C12orf42: variants seen among roughly 807,000 people sequenced by gnomAD.
The protein encoded by C12orf42 is uncharacterized protein C12orf42.
Under a neutral mutation model 21.6 loss-of-function variants are expected in C12orf42, and 25 were observed. The ratio of observed to expected loss-of-function variants is 1.16; its 90% confidence interval spans 0.84 to 1.62. C12orf42 has a LOEUF of 1.62. Among genes scored for constraint, C12orf42 ranks in the 40% most tolerant of loss-of-function variants. The pLI, the probability that C12orf42 is intolerant of heterozygous loss-of-function variation, is 0.00. For synonymous variants in C12orf42, 174 were observed against 175.0 expected (o/e 0.99, Z 0.05); for missense variants, 483 against 459.3 (o/e 1.05, Z -0.47).
At chr12:103,146,690 G>A in the C12orf42 span, among the ~76,000 whole-genome samples, 1 of 152,124 alleles carries the variant, frequency 6.6e-6, no homozygotes, top group African/African-American at 2.4e-5. Flanking sequence ...CAGAAAATGT[G>A]TGCATTACAG....
intron 4 of C12orf42, among the ~76,000 whole-genome samples, chr12:103,307,611 C>T (rs2038499209): frequency 6.6e-6 from 1 of 152,108 alleles, no homozygotes; most frequent in African/African-American, 2.4e-5. Flanking sequence ...GGAGATAAGA[C>T]AGTTTAAAGA....
intron 5 of C12orf42, among the ~76,000 whole-genome samples, chr12:103,276,573 A>G (rs1006197085): frequency 6.6e-6 from 1 of 152,224 alleles, no homozygotes; most frequent in Non-Finnish European, 1.5e-5. Flanking sequence ...AAGGCGAGGT[A>G]TCAGCTAGGG....
the C12orf42 span, among the ~76,000 whole-genome samples, chr12:103,094,416 A>G: frequency 6.6e-6 from 1 of 152,226 alleles, no homozygotes; most frequent in Non-Finnish European, 1.5e-5. Flanking sequence ...TCCATAGACC[A>G]CAGAGGCTAT....
At chr12:103,477,254 G>A (rs1954123564) in intron 2 of C12orf42, among the ~76,000 whole-genome samples, 2 of 152,070 alleles carry the variant, frequency 1.3e-5, no homozygotes. Flanking sequence ...AGTGGTCATG[G>A]CAGGACCTCT....
Position 103,364,822 on chromosome 12 carries a change from G to A in C12orf42, c.259+4065C>T, listed in dbSNP as rs183110515. 3.4e-3 allele frequency among the ~76,000 whole-genome samples: 513 copies of A among 151,968 alleles called. 3 individuals carry two copies. Among genetic ancestry groups the A allele is most frequent in the African/African-American group, 0.011 (474 of 41,490 alleles). ...CCTGAACAGAACAATAACAAGCAGC[G>A]AGATTGAAATTATATTTTAAAAATT... On this transcript the variant is annotated intron_variant, in intron 4 of 5. Transcript: ENST00000548883.
exon 7 of C12orf42, chr12:103,268,818 A>T (rs985962573): frequency 6.6e-6 from 1 of 152,204 alleles, no homozygotes; most frequent in South Asian, 2.1e-4. Flanking sequence ...CATGTGTCAC[A>T]TATAATGCAT....
the C12orf42 span, among the ~76,000 whole-genome samples, chr12:103,562,775 C>A: frequency 6.6e-6 from 1 of 152,202 alleles, no homozygotes; most frequent in Non-Finnish European, 1.5e-5. Flanking sequence ...CTCAGTGGGG[C>A]TCATGAAATA....
chr12:103,219,060 A>C, the C12orf42 span, among the ~76,000 whole-genome samples: 1 of 152,084 alleles, frequency 6.6e-6, no homozygotes, highest in Non-Finnish European at 1.5e-5. Context: ...TGCCAGGGAG[A>C]CAGAACTGTT....
chr12:103,311,915 A>T (rs1382031407), intron 4 of C12orf42, among the ~76,000 whole-genome samples: 1 of 152,192 alleles, frequency 6.6e-6, no homozygotes, highest in Non-Finnish European at 1.5e-5. Context: ...CTCATCAGAG[A>T]TTTCAGGTGC....
At chr12:103,430,457 G>T (rs1206213900) in intron 2 of C12orf42, among the ~76,000 whole-genome samples, 1 of 152,054 alleles carries the variant, frequency 6.6e-6, no homozygotes, top group Non-Finnish European at 1.5e-5. Flanking sequence ...AAAAAGTCAG[G>T]GAACAACAGA....
chr12:103,462,047 C>T (rs1952740605), intron 2 of C12orf42, among the ~76,000 whole-genome samples: 1 of 145,986 alleles, frequency 6.8e-6, no homozygotes, highest in Admixed American at 7.0e-5. Context: ...ATCTAACAAT[C>T]ATATAGAAAG....
the C12orf42 span, among the ~76,000 whole-genome samples, chr12:103,212,302 T>C: frequency 1.3e-5 from 2 of 152,350 alleles, no homozygotes; most frequent in South Asian, 4.1e-4. Context: ...TTTATTCAAA[T>C]TGGGATCAAA....
At chr12:103,398,993 G>T (rs1193611140) in intron 3 of C12orf42, among the ~76,000 whole-genome samples, 1 of 151,966 alleles carries the variant, frequency 6.6e-6, no homozygotes, top group East Asian at 1.9e-4. Flanking sequence ...AAAATACTAT[G>T]ATGGACTTCT....
the C12orf42 span, among the ~76,000 whole-genome samples, chr12:103,532,306 G>GA: frequency 6.6e-6 from 1 of 152,154 alleles, no homozygotes; most frequent in Non-Finnish European, 1.5e-5. Context: ...TTAAAGATGG[G>GA]AAAACGTTTA....
chr12:103,096,548 A>G, the C12orf42 span, among the ~76,000 whole-genome samples: 1 of 152,244 alleles, frequency 6.6e-6, no homozygotes, highest in East Asian at 1.9e-4. Context: ...GATTTCAGTT[A>G]CAATCATATC....
the C12orf42 span, among the ~76,000 whole-genome samples, chr12:103,213,935 GA>G: frequency 3.3e-5 from 5 of 152,148 alleles, no homozygotes. Context: ...CACATGAGCT[GA>G]GAAAAAGTGG....
Position 103,430,301 on chromosome 12 carries a change from A to G in C12orf42, c.79-28626T>C, listed in dbSNP as rs906919250. On this transcript the variant is annotated intron_variant, in intron 2 of 5. Coordinates refer to ENST00000548883, the MANE Select transcript of C12orf42 (RefSeq NM_198521.5). Reference sequence around the variant, plus strand: ...AACAACTCCATCAAAAAGTGGGCAAAGGATATGAACAGACACTTATCAAAA... The same window carrying G: ...AACAACTCCATCAAAAAGTGGGCAAGGGATATGAACAGACACTTATCAAAA... Among the ~76,000 whole-genome samples the G allele has an allele frequency of 2.6e-5, 4 of 152,250 alleles. No homozygotes were observed. In the East Asian group the frequency reaches 7.7e-4, roughly 29 times the overall value.
chr12:103,061,945 A>G, the C12orf42 span, among the ~76,000 whole-genome samples: 11 of 151,296 alleles, frequency 7.3e-5, no homozygotes, highest in Non-Finnish European at 1.5e-4. Flanking sequence ...TTAGTCAAAT[A>G]TTTTTCATTA....
chr12:103,231,689 C>T, the C12orf42 span, among the ~76,000 whole-genome samples: 5 of 152,024 alleles, frequency 3.3e-5, no homozygotes, highest in Admixed American at 1.3e-4. Context: ...CTGGATGTAT[C>T]GGTCTGTTTA....
Sources: gnomAD v4.1 joint callset for allele counts (sites outside exome capture counted in the v4.1 genomes callset) on GRCh38, gnomAD v4.1.1 for gene constraint, MANE v1.5 for transcripts, NCBI Gene and HGNC (gene_info 2026-07-23, HGNC 2026-07-21) for gene names.